Variants in IL33 observed in about 807,000 individuals in gnomAD.
The protein encoded by IL33 is interleukin 33, also known as interleukin-33.
Under a neutral mutation model 27.3 loss-of-function variants are expected in IL33, and 37 were observed. The ratio of observed to expected loss-of-function variants is 1.36; its 90% CI spans 1.04 to 1.78. The LOEUF (loss-of-function observed/expected upper bound fraction) is 1.78, where lower values mean the gene tolerates loss of function less well. Ranked by LOEUF, IL33 falls within the 40% of genes most tolerant of loss-of-function variation. IL33 has a pLI of 0.00. For synonymous variants in IL33, 132 were observed against 102.9 expected (o/e 1.28, Z -1.71); for missense variants, 406 against 311.4 (o/e 1.30, Z -2.29).
intron 7 of IL33, 64 bp downstream of exon 7, chr9:6,254,617 C>A: frequency 1.1e-6 from 1 of 950,006 alleles, no homozygotes; most frequent in Non-Finnish European, 1.5e-6. Context: ...AATGACTCCA[C>A]CAACTTGTGT....
rs745790335 is a variant in IL33 at position 6,255,980 on chromosome 9, G to GAAA, written c.628_630dup (p.Lys210dup). The GAAA allele has an allele frequency of 6.2e-7, 1 of 1,613,504 alleles. No homozygotes were observed. The highest frequency in any genetic ancestry group is 8.5e-7 in the Non-Finnish European group (1 of 1,179,556). On this transcript the variant is annotated inframe_insertion, in exon 8 of 8. Transcript: ENST00000682010. ...CTTGTTTCCTCAGCTCCATAAGTGTGAAAAACCACTGCCAGACCAGGCCTT... is the reference window on the plus strand; with the variant it reads ...CTTGTTTCCTCAGCTCCATAAGTGTGAAAAAAAACCACTGCCAGACCAGGCCTT...
chr9:6,250,471 T>G lies in IL33; in HGVS notation c.92-3T>G. 6.2e-7 allele frequency: 1 copy of G among 1,612,746 alleles called. No homozygotes were observed. The highest frequency in any genetic ancestry group is 8.5e-7 in the Non-Finnish European group (1 of 1,179,408). ...CAGTCTCACAAGTTTTTCAATTGTT[T>G]AGAATCCCAACAGAAGGCCAAAGAA... On this transcript the variant is annotated splice_polypyrimidine_tract_variant and splice_region_variant and intron_variant, in intron 2 of 7. Coordinates refer to ENST00000682010, the MANE Select transcript of IL33 (RefSeq NM_033439.4).
intron 1 of IL33, among the ~76,000 whole-genome samples, chr9:6,240,922 GC>G (rs1819490398): frequency 1.3e-5 from 2 of 151,694 alleles, no homozygotes; most frequent in Non-Finnish European, 2.9e-5. Context: ...TATTCTATAA[GC>G]TTTTTTCTAT....
chr9:6,231,167 G>T (rs1818909869), intron 1 of IL33, among the ~76,000 whole-genome samples: 1 of 152,162 alleles, frequency 6.6e-6, no homozygotes, highest in African/African-American at 2.4e-5. Context: ...TCACATGATA[G>T]TCACAGCACT....
intron 1 of IL33, among the ~76,000 whole-genome samples, chr9:6,234,377 A>C (rs1188132031): frequency 6.6e-6 from 1 of 152,106 alleles, no homozygotes; most frequent in Non-Finnish European, 1.5e-5. Flanking sequence ...TCCCCACCTG[A>C]GTTTCCTATT....
At chr9:6,238,553 G>C (rs890922114) in intron 1 of IL33, among the ~76,000 whole-genome samples, 1 of 152,110 alleles carries the variant, frequency 6.6e-6, no homozygotes, top group African/African-American at 2.4e-5. Flanking sequence ...GGTTTGTCCA[G>C]GGACAAAATA....
Position 6,250,513 on chromosome 9 carries a change from T to C in IL33, c.131T>C (p.Phe44Ser). 3.1e-6 allele frequency: 5 copies of C among 1,613,964 alleles called. No homozygotes were observed. The highest frequency in any genetic ancestry group is 3.4e-6 in the Non-Finnish European group (4 of 1,179,912). Residue 44 changes from phenylalanine to serine, a missense_variant, in exon 3 of 8, where the codon TTT becomes TCT. Coordinates refer to ENST00000682010, the MANE Select transcript of IL33 (RefSeq NM_033439.4). ...QKAKEVCPMY[F>S]MKLRSGLMIK... ...GCCAAAGAAGTTTGCCCCATGTACT[T>C]TATGAAGCTCCGCTCTGGCCTTATG...
chr9:6,248,985 C>T (rs1816175623), intron 2 of IL33, among the ~76,000 whole-genome samples: 1 of 152,130 alleles, frequency 6.6e-6, no homozygotes, highest in Non-Finnish European at 1.5e-5. Context: ...AATTACTTGT[C>T]AGGAGAATAA....
chr9:6,235,748 A>G (rs367767040), intron 1 of IL33, among the ~76,000 whole-genome samples: 1 of 152,320 alleles, frequency 6.6e-6, no homozygotes, highest in South Asian at 2.1e-4. Flanking sequence ...CAAAACTATC[A>G]GATAGTTTAC....
At chr9:6,240,946 T>C (rs1819491104) in intron 1 of IL33, among the ~76,000 whole-genome samples, 1 of 152,150 alleles carries the variant, frequency 6.6e-6, no homozygotes. Context: ...TAAACATTTT[T>C]AATTTTAATT....
chr9:6,250,589 A>G lies in IL33; in HGVS notation c.207A>G (p.Ser69=), dbSNP rs1202607931. The change falls in exon 3 of 8, where the codon TCA becomes TCG. Residue 69 remains serine, a synonymous_variant. Coordinates refer to ENST00000682010, the MANE Select transcript of IL33 (RefSeq NM_033439.4). The stretch of plus-strand genomic sequence containing the variant: ...GGAGAGAAACCACCAAAAGGCCTTC[A>G]CTGAAAACAGGTAAGGGGAACCGTA... ...YFRRETTKRP[S]LKTGRKHKRH... is the part of the protein sequence containing the mutation. 3.1e-6 allele frequency: 5 copies of G among 1,613,558 alleles called. No individual in the cohort carries two copies. In the Admixed American group the frequency reaches 6.7e-5, roughly 22 times the overall value.
At chr9:6,241,341 G>A (rs1819515977) in intron 1 of IL33, among the ~76,000 whole-genome samples, 1 of 152,118 alleles carries the variant, frequency 6.6e-6, no homozygotes, top group African/African-American at 2.4e-5. Context: ...GCAGTGCAGT[G>A]GGTTGTTTAC....
chr9:6,226,463 A>C (rs1020995501), intron 1 of IL33, among the ~76,000 whole-genome samples: 1 of 152,158 alleles, frequency 6.6e-6, no homozygotes, highest in Non-Finnish European at 1.5e-5. Flanking sequence ...CATTCCAAAT[A>C]GTTATAAAAC....
chr9:6,230,789 A>G (rs1818889673), intron 1 of IL33, among the ~76,000 whole-genome samples: 1 of 152,224 alleles, frequency 6.6e-6, no homozygotes, highest in Non-Finnish European at 1.5e-5. Flanking sequence ...TGACAAGGAG[A>G]TGAATCAAAT....
intron 1 of IL33, among the ~76,000 whole-genome samples, chr9:6,218,899 CATATATATATATAT>C (rs200982905): frequency 0.056 from 1,273 of 22,666 alleles, 70 homozygotes; most frequent in Middle Eastern, 0.17. Context: ...ATATGTTCTC[CATATATATATATAT>C]ATATATATAT....
intron 5 of IL33, 53 bp downstream of exon 5, chr9:6,253,044 A>G: frequency 8.5e-7 from 1 of 1,181,288 alleles, no homozygotes; most frequent in Non-Finnish European, 1.2e-6. Flanking sequence ...TAAAAGTAAA[A>G]CATTTTAATA....
Position 6,241,667 on chromosome 9 carries a change from A to G in IL33, c.-11-17A>G, listed in dbSNP as rs1322820282. On this transcript the variant is annotated splice_polypyrimidine_tract_variant and intron_variant, in intron 1 of 7. Coordinates refer to ENST00000682010, the MANE Select transcript of IL33 (RefSeq NM_033439.4). ...AAGTTGAGACAAATGAACTAATATT[A>G]TATTTTAATCCAACAGAATACTGAA... 1 of 1,471,890 alleles carries G rather than the reference A, an allele frequency of 6.8e-7. No homozygotes were observed. The highest frequency in any genetic ancestry group is 9.4e-7 in the Non-Finnish European group (1 of 1,068,492). 91.2% of individuals were successfully genotyped at this position (1,471,890 alleles called of 1,614,324 possible).
chr9:6,252,960 T>C lies in IL33; in HGVS notation c.438T>C (p.Tyr146=), dbSNP rs745712573. Residue 146 remains tyrosine (Y), a synonymous_variant, in exon 5 of 8, where the codon TAT becomes TAC. Coordinates refer to ENST00000682010, the MANE Select transcript of IL33 (RefSeq NM_033439.4). ...TGGAGGATGAAAGTTATGAGATATA[T>C]GTTGAAGACTTGAAAAAAGATGAAA... is the stretch of plus-strand genomic sequence containing the variant. ...FALEDESYEI[Y]VEDLKKDEKK... 4 of 1,567,022 alleles carry C rather than the reference T, an allele frequency of 2.6e-6. No homozygotes were observed. The highest frequency in any genetic ancestry group is 2.6e-6 in the Non-Finnish European group (3 of 1,147,770).
At chr9:6,252,683 A>G (rs2130445700) in intron 4 of IL33, among the ~76,000 whole-genome samples, 183 bp from the exon 5 acceptor site, 1 of 152,196 alleles carries the variant, frequency 6.6e-6, no homozygotes, top group East Asian at 1.9e-4. Flanking sequence ...AGCACCTTTA[A>G]TCCCATTCAA....
Sources: gnomAD v4.1 joint callset for allele counts (sites outside exome capture counted in the v4.1 genomes callset) on GRCh38, gnomAD v4.1.1 for gene constraint, MANE v1.5 for transcripts, NCBI Gene and HGNC (gene_info 2026-07-23, HGNC 2026-07-21) for gene names.